Variants in UBA6 observed in about 807,000 individuals in gnomAD.
The protein encoded by UBA6 is ubiquitin like modifier activating enzyme 6, also known as ubiquitin-like modifier-activating enzyme 6.
Under a neutral mutation model 148.3 loss-of-function variants are expected in UBA6, and 87 were observed. That is an observed-to-expected ratio of 0.59 (90% CI 0.49 to 0.70). The LOEUF (loss-of-function observed/expected upper bound fraction) is 0.70. Among genes scored for constraint, UBA6 ranks in the 30% least tolerant of loss-of-function variants. The probability of loss-of-function intolerance (pLI) is 0.00; values close to 1 mark genes in which losing one functional copy is unlikely to be tolerated. For synonymous variants in UBA6, 376 were observed against 401.0 expected (o/e 0.94, Z 0.75); for missense variants, 1,186 against 1,241.2 (o/e 0.96, Z 0.67).
chr4:67,630,418 T>C (rs377026154), intron 26 of UBA6, 48 bp downstream of exon 26: 7 of 1,265,574 alleles, frequency 5.5e-6, no homozygotes, highest in South Asian at 2.7e-5. Context: ...AGTCATCTAA[T>C]TCTAATTTGG....
chr4:67,649,441 AT>A (rs535772278), intron 13 of UBA6, among the ~76,000 whole-genome samples: 151 of 152,280 alleles, frequency 9.9e-4, no homozygotes, highest in African/African-American at 3.2e-3. Flanking sequence ...TTTGGATTCT[AT>A]ATGTCACTCT....
intron 19 of UBA6, among the ~76,000 whole-genome samples, chr4:67,637,387 G>A (rs1458803339): frequency 3.3e-5 from 5 of 151,060 alleles, no homozygotes; most frequent in Admixed American, 6.6e-5. Flanking sequence ...CACCCCTTCT[G>A]GGAAGTGAGG....
intron 22 of UBA6, 57 bp downstream of exon 22, chr4:67,634,185 A>G: frequency 8.0e-7 from 1 of 1,244,230 alleles, no homozygotes; most frequent in Non-Finnish European, 1.1e-6. Context: ...ATGACTTGAA[A>G]ATAAGATTAC....
Position 67,633,367 on chromosome 4 carries a change from A to G in UBA6, c.2120T>C (p.Phe707Ser). ...SQCVELARLKFEKYFNHKALQ... is the reference protein window; with the variant it reads ...SQCVELARLKSEKYFNHKALQ... Reference sequence around the variant, plus strand: ...TACCTTATGGTTAAAATATTTTTCAAACTTTAATCTTGCTAATTCTACACA... The same window carrying G: ...TACCTTATGGTTAAAATATTTTTCAGACTTTAATCTTGCTAATTCTACACA... The change falls in exon 23 of 33, where the codon TTT becomes TCT. Residue 707 changes from phenylalanine to serine, a missense_variant. Physicochemically the swap from Phe to Ser is radical, Grantham distance 155. Coordinates refer to ENST00000322244, the MANE Select transcript of UBA6 (RefSeq NM_018227.6). 2 of 1,599,094 alleles carry G rather than the reference A, an allele frequency of 1.3e-6. No homozygotes were observed. The highest frequency in any genetic ancestry group is 1.7e-6 in the Non-Finnish European group (2 of 1,176,206).
At chr4:67,664,568 G>A (rs926772024) in intron 10 of UBA6, among the ~76,000 whole-genome samples, 12 of 152,148 alleles carry the variant, frequency 7.9e-5, no homozygotes, top group African/African-American at 2.2e-4. Flanking sequence ...AGATGTGCTA[G>A]CTTATCCTGA....
At chr4:67,641,031 G>T in intron 18 of UBA6, 120 bp downstream of exon 18, 1 of 671,422 alleles carries the variant, frequency 1.5e-6, no homozygotes, top group South Asian at 2.0e-5. Flanking sequence ...TCCATTAATT[G>T]ATAATTTGAA....
At position 67,617,404 on chromosome 4, in the gene UBA6, G is replaced by A. The variant is rs1352993443; in HGVS notation, c.*1593C>T. The A allele has an allele frequency of 6.6e-6, 1 of 152,030 alleles. No homozygotes were observed. The highest frequency in any genetic ancestry group is 1.5e-5 in the Non-Finnish European group (1 of 67,932). The allele number at this position is 152,030 out of a possible 1,614,324, so 9.4% of individuals were successfully genotyped here. Reference sequence around the variant, plus strand: ...ATATGACACTTGGGATATGCACAATGGGAAAGGGTAGGATATGTGAACAAA... The same window carrying A: ...ATATGACACTTGGGATATGCACAATAGGAAAGGGTAGGATATGTGAACAAA... On this transcript the variant is annotated 3_prime_UTR_variant, in exon 33 of 33. Coordinates refer to ENST00000322244, the MANE Select transcript of UBA6 (RefSeq NM_018227.6).
chr4:67,642,177 T>C (rs982982278), intron 17 of UBA6, among the ~76,000 whole-genome samples: 1 of 152,078 alleles, frequency 6.6e-6, no homozygotes, highest in East Asian at 1.9e-4. Context: ...CTGCTTTTCA[T>C]TCCCCTGTAT....
Position 67,625,053 on chromosome 4 carries a change from G to A in UBA6, c.2653C>T (p.Arg885Cys), listed in dbSNP as rs375871246. The A allele has an allele frequency of 6.4e-5, 103 of 1,612,954 alleles. No individual in the cohort carries two copies. Among genetic ancestry groups the A allele is most frequent in the Non-Finnish European group, 7.8e-5 (92 of 1,179,282 alleles). Residue 885 changes from arginine (R) to cysteine (C), a missense_variant, in exon 29 of 33, where the codon CGC (arginine) becomes TGC (cysteine). Physicochemically the swap from Arg to Cys is radical, Grantham distance 180 (BLOSUM62 -3). Coordinates refer to ENST00000322244, the MANE Select transcript of UBA6 (RefSeq NM_018227.6). ...GCAGGTATAATTTTACCAGCTATGC[G>A]CTTTGTTTTGAAACGGTCAGCTGGT... ...IEPADRFKTK[R>C]IAGKIIPAIA...
chr4:67,646,631 G>A, intron 15 of UBA6, 93 bp downstream of exon 15: 1 of 863,390 alleles, frequency 1.2e-6, no homozygotes, highest in Non-Finnish European at 1.8e-6. Context: ...AAAGTGATTT[G>A]GGAGAAAAGA....
chr4:67,612,763 T>C lies in UBA6; in HGVS notation c.*6234A>G, dbSNP rs1296118109. 6.6e-6 allele frequency: 1 copy of C among 152,236 alleles called. No homozygotes were observed. The highest frequency in any genetic ancestry group is 1.9e-4 in the East Asian group (1 of 5,202). 9.4% of individuals were successfully genotyped at this position (152,236 alleles called of 1,614,324 possible). A position where few individuals can be genotyped will look rare whatever the true frequency, so the allele number is the denominator to read the frequency against. On this transcript the variant is annotated 3_prime_UTR_variant, in exon 33 of 33. Transcript: ENST00000322244. ...AATAATGTGGGCTAAGTAATTTGGA[T>C]TAACATTCTCACTTGAAAACATTTA... is the stretch of plus-strand genomic sequence containing the variant.
chr4:67,636,786 G>A (rs1331106646), intron 19 of UBA6, among the ~76,000 whole-genome samples: 1 of 152,316 alleles, frequency 6.6e-6, no homozygotes, highest in Admixed American at 6.5e-5. Flanking sequence ...CCAAAGTGCC[G>A]AGATTGCAGC....
intron 6 of UBA6, among the ~76,000 whole-genome samples, chr4:67,674,251 C>G (rs776574918): frequency 8.5e-5 from 13 of 152,146 alleles, no homozygotes; most frequent in Non-Finnish European, 1.9e-4. Context: ...GGTTTGCTTC[C>G]TGTAGGGAGA....
chr4:67,630,685 A>G, intron 25 of UBA6, 150 bp from the exon 26 acceptor site: 1 of 548,970 alleles, frequency 1.8e-6, no homozygotes, highest in South Asian at 2.9e-5. Flanking sequence ...TTAGACAAAA[A>G]TATTCTGGTC....
At position 67,686,185 on chromosome 4, in the gene UBA6, T is replaced by A. The variant is rs113544165; in HGVS notation, c.135-3972A>T. 9.1e-3 allele frequency among the ~76,000 whole-genome samples: 1,390 copies of A among 152,322 alleles called. 31 individuals are homozygous for A. The highest frequency in any genetic ancestry group is 0.032 in the African/African-American group (1,327 of 41,570). On this transcript the variant is annotated intron_variant, in intron 2 of 32. Coordinates refer to ENST00000322244, the MANE Select transcript of UBA6 (RefSeq NM_018227.6). ...AAGAACAACATCTCCCTATAGTTTT[T>A]ACCCACTAGTCTTAGTTTTATTCCC... is the stretch of plus-strand genomic sequence containing the variant.
chr4:67,650,763 C>A (rs1217785650), intron 13 of UBA6, among the ~76,000 whole-genome samples: 4 of 151,994 alleles, frequency 2.6e-5, no homozygotes, highest in African/African-American at 9.7e-5. Context: ...AAAAGAAAGA[C>A]CCACACTAAG....
At chr4:67,696,512 TATAC>T (rs1170228968) in intron 2 of UBA6, 129 bp downstream of exon 2, 54 of 605,094 alleles carry the variant, frequency 8.9e-5, no homozygotes, top group Non-Finnish European at 1.4e-4. Context: ...CACATACATA[TATAC>T]ATACACACAC....
intron 2 of UBA6, among the ~76,000 whole-genome samples, chr4:67,691,338 G>C (rs1730689455): frequency 6.6e-6 from 1 of 152,170 alleles, no homozygotes; most frequent in Non-Finnish European, 1.5e-5. Context: ...TTGCAGTTAA[G>C]AGGAATGTAA....
chr4:67,648,422 C>G (rs556789509), intron 14 of UBA6, among the ~76,000 whole-genome samples: 7 of 148,186 alleles, frequency 4.7e-5, no homozygotes, highest in Non-Finnish European at 7.4e-5. Flanking sequence ...GAGCTAACAT[C>G]GCGCCATTGC....
Sources: gnomAD v4.1 joint callset for allele counts (sites outside exome capture counted in the v4.1 genomes callset) on GRCh38, gnomAD v4.1.1 for gene constraint, MANE v1.5 for transcripts, NCBI Gene and HGNC (gene_info 2026-07-23, HGNC 2026-07-21) for gene names.